Variants in DIP2A observed in about 807,000 individuals in gnomAD.
The protein encoded by DIP2A is DIP2 acetate--CoA ligase A.
Under a neutral mutation model 177.4 loss-of-function variants are expected in DIP2A, and 85 were observed. The observed-to-expected ratio is 0.48, with a 90% CI of 0.40 to 0.57. The LOEUF is 0.57. DIP2A is among the 20% of genes least tolerant of loss of function. The pLI is 0.00. For missense variants in DIP2A, 1,791 were observed against 2,100.2 expected, an observed-to-expected ratio of 0.85 and a Z score of 2.88; for synonymous variants, 886 against 881.8, an observed-to-expected ratio of 1.00 and a Z score of -0.08.
chr21:46,533,753 A>G (rs2059444710), intron 11 of DIP2A, 106 bp downstream of exon 11: 3 of 1,510,864 alleles, frequency 2.0e-6, no homozygotes, highest in Non-Finnish European at 2.7e-6. Context: ...GTCTTCAGCA[A>G]AAGTGATCCC....
chr21:46,472,782 A>G (rs528238783), intron 1 of DIP2A, among the ~76,000 whole-genome samples: 2 of 152,252 alleles, frequency 1.3e-5, no homozygotes, highest in South Asian at 2.1e-4. Context: ...AACAAACTCA[A>G]ATTCCTCCCT....
At chr21:46,470,551 TC>T (rs2055271702) in intron 1 of DIP2A, among the ~76,000 whole-genome samples, 2 of 150,822 alleles carry the variant, frequency 1.3e-5, no homozygotes, top group Admixed American at 1.3e-4. Context: ...GGTGGGCGGA[TC>T]ACGAAGTCAG....
rs1306949385 is a variant in DIP2A, at chr21:46,498,592, T to C, written c.414T>C (p.Ser138=). ...TTATTTTAACCACAGACACGTCGTC[T>C]GCCTCAGAAGATGAGGGCTCTTTAC... The part of the protein sequence containing the change: ...VETYTPPDTS[S]ASEDEGSLRR... Residue 138 remains serine, a synonymous_variant, in exon 5 of 38, where the codon TCT becomes TCC. Coordinates refer to ENST00000417564, the MANE Select transcript of DIP2A (RefSeq NM_015151.4). The surrounding 1 kb of genome is among the most constrained non-coding windows in gnomAD (Gnocchi z 4.3). 2 of 1,607,382 alleles carry C rather than the reference T, an allele frequency of 1.2e-6. No individual in the cohort carries two copies. The highest frequency in any genetic ancestry group is 1.7e-6 in the Non-Finnish European group (2 of 1,175,286).
At position 46,554,898 on chromosome 21, in the gene DIP2A, T is replaced by C; in HGVS notation, c.3353T>C (p.Val1118Ala). The change falls in exon 28 of 38, where the codon GTG becomes GCG. Residue 1118 changes from valine (V) to alanine (A), a missense_variant. Physicochemically the swap from Val to Ala is moderately conservative, Grantham distance 64. Transcript: ENST00000417564. ...AGGTCCAAGGAGGCTGCTGCTGCCG[T>C]GGACATCAGGACCTGGCCCACCATC... The part of the protein sequence containing the change: ...LLRSKEAAAA[V>A]DIRTWPTILD... 1.9e-6 allele frequency: 3 copies of C among 1,552,362 alleles called. No individual in the cohort carries two copies. Among genetic ancestry groups the C allele is most frequent in the Middle Eastern group, 1.7e-4 (1 of 5,960 alleles).
chr21:46,467,295 C>CAA (rs527776306), intron 1 of DIP2A, among the ~76,000 whole-genome samples: 50,500 of 112,918 alleles, frequency 0.45, 10,183 homozygotes, highest in Non-Finnish European at 0.5. Context: ...GACTCCGTCT[C>CAA]AAAAAAAAAA....
intron 3 of DIP2A, among the ~76,000 whole-genome samples, chr21:46,491,997 T>C (rs923174402): frequency 1.6e-4 from 24 of 152,236 alleles, no homozygotes; most frequent in African/African-American, 5.8e-4. Context: ...GTCTAAGTTA[T>C]CATTTTTTTA....
In DIP2A at chr21:46,557,963, G is replaced by A. The variant is rs76901118; in HGVS notation, c.3798+210G>A. Among the ~76,000 whole-genome samples the A allele has an allele frequency of 7.5e-3, 1,144 of 152,324 alleles. 13 individuals carry two copies. Among genetic ancestry groups the A allele is most frequent in the African/African-American group, 0.026 (1,087 of 41,568 alleles). On this transcript the variant is annotated intron_variant, in intron 31 of 37. Transcript: ENST00000417564. The surrounding 1 kb of genome is among the most constrained non-coding windows in gnomAD (Gnocchi z 6.0). ...TCCACACCCCGCAGGAGAGGAGGGT[G>A]GGGGGTAGGGCAGGGTCCCTGCGAG...
chr21:46,483,461 C>A (rs117391794), intron 1 of DIP2A, among the ~76,000 whole-genome samples: 6,087 of 152,116 alleles, frequency 0.04, 183 homozygotes, highest in Non-Finnish European at 0.062. Flanking sequence ...AAAGCAGAGG[C>A]TCTGTGCAGA....
At chr21:46,558,838 C>G (rs2060565255) in intron 32 of DIP2A, 1 of 240,140 alleles carries the variant, frequency 4.2e-6, no homozygotes, top group Non-Finnish European at 8.2e-6. Flanking sequence ...GTGGCTCATG[C>G]CTATAATCCC....
chr21:46,521,831 A>G (rs2058836907), intron 8 of DIP2A, among the ~76,000 whole-genome samples: 1 of 152,242 alleles, frequency 6.6e-6, no homozygotes, highest in Admixed American at 6.5e-5. Context: ...TCAAACCTTC[A>G]GCATTATTCT....
chr21:46,573,156 G>C (rs1601886148), downstream of DIP2A, among the ~76,000 whole-genome samples: 3 of 151,858 alleles, frequency 2.0e-5, no homozygotes, highest in South Asian at 6.2e-4. Flanking sequence ...AACACAGAAG[G>C]GCGCAATACA....
In DIP2A at chr21:46,546,970, G is replaced by A. The variant is rs367788167; in HGVS notation, c.2450G>A (p.Arg817His). The change falls in exon 21 of 38, where the codon CGC (arginine) becomes CAC (histidine). Residue 817 changes from arginine to histidine, a missense_variant. Transcript: ENST00000417564. ...GACGGGCTGATGGTCACTGGAGTTC[G>A]CAGACACAATGCAGATGACGTTGTG... Reference protein sequence around the residue: ...KLDGLMVTGVRRHNADDVVAT... With the variant: ...KLDGLMVTGVHRHNADDVVAT... 67 of 1,613,818 alleles carry A rather than the reference G, an allele frequency of 4.2e-5. No homozygotes were observed. The highest frequency in any genetic ancestry group is 1.1e-4 in the East Asian group (5 of 44,894).
downstream of DIP2A, among the ~76,000 whole-genome samples, chr21:46,570,513 T>A (rs1222299808): frequency 1.3e-5 from 2 of 152,328 alleles, no homozygotes; most frequent in Admixed American, 1.3e-4. Flanking sequence ...AATTATAACC[T>A]CCATATACTT....
At chr21:46,545,590 C>T (rs2059996520) in intron 19 of DIP2A, among the ~76,000 whole-genome samples, 1 of 152,226 alleles carries the variant, frequency 6.6e-6, no homozygotes, top group South Asian at 2.1e-4. Flanking sequence ...CCAGGGAAAC[C>T]AGCCCTCTGC....
At chr21:46,503,283 A>T (rs888889392) in intron 5 of DIP2A, among the ~76,000 whole-genome samples, 3 of 149,192 alleles carry the variant, frequency 2.0e-5, no homozygotes, top group African/African-American at 5.0e-5. Context: ...AGATTGTGCC[A>T]CTGCACTCCA....
At chr21:46,514,311 C>A (rs2058449046) in intron 8 of DIP2A, among the ~76,000 whole-genome samples, 1 of 151,928 alleles carries the variant, frequency 6.6e-6, no homozygotes, top group African/African-American at 2.4e-5. Flanking sequence ...TGGTGGGCGC[C>A]TGTAGTCCCA....
chr21:46,524,471 G>T (rs1340867640), intron 8 of DIP2A, among the ~76,000 whole-genome samples: 1 of 152,128 alleles, frequency 6.6e-6, no homozygotes, highest in East Asian at 1.9e-4. Context: ...TGGTGCTGTG[G>T]TCTTATCTCC....
chr21:46,583,115 C>G, the DIP2A span, among the ~76,000 whole-genome samples: 1 of 152,158 alleles, frequency 6.6e-6, no homozygotes, highest in Non-Finnish European at 1.5e-5. Flanking sequence ...CTATACTAAT[C>G]TCATACAAAA....
chr21:46,472,251 C>A (rs1212352554), intron 1 of DIP2A, among the ~76,000 whole-genome samples: 1 of 152,300 alleles, frequency 6.6e-6, no homozygotes, highest in East Asian at 1.9e-4. Flanking sequence ...CAGAAATGAA[C>A]CCTCTGGCAC....
Sources: allele counts gnomAD v4.1 joint callset (sites outside exome capture counted in the v4.1 genomes callset), GRCh38; gene constraint gnomAD v4.1.1; non-coding constraint Gnocchi (gnomAD v3.1); transcripts MANE v1.5; gene names NCBI Gene and HGNC (gene_info 2026-07-23, HGNC 2026-07-21).